SPIDR: variants seen among roughly 807,000 people sequenced by gnomAD.
SPIDR encodes scaffold protein involved in DNA repair, also known as DNA repair-scaffolding protein.
SPIDR carries 93 observed loss-of-function variants against 104.6 expected under a neutral mutation model. The observed-to-expected ratio is 0.89, with a 90% CI of 0.75 to 1.06. The LOEUF (loss-of-function observed/expected upper bound fraction) is 1.06. Among genes scored for constraint, SPIDR ranks in the 50% least tolerant of loss-of-function variants. The probability of loss-of-function intolerance (pLI) is 0.00; values close to 1 mark genes in which losing one functional copy is unlikely to be tolerated. For missense variants in SPIDR, 1,154 were observed against 1,111.2 expected, an observed-to-expected ratio of 1.04 and a Z score of -0.55; for synonymous variants, 431 against 416.9, an observed-to-expected ratio of 1.03 and a Z score of -0.41.
At chr8:47,606,876 G>A (rs999346325) in intron 10 of SPIDR, among the ~76,000 whole-genome samples, 2 of 152,178 alleles carry the variant, frequency 1.3e-5, no homozygotes, top group African/African-American at 4.8e-5. Flanking sequence ...TCTCTGTATG[G>A]AGACAGGGTG....
chr8:47,445,617 A>G (rs2070431219), intron 8 of SPIDR, among the ~76,000 whole-genome samples: 1 of 152,236 alleles, frequency 6.6e-6, no homozygotes, highest in African/African-American at 2.4e-5. Context: ...GCATGTCAAA[A>G]GGCAAGGTAG....
chr8:47,506,798 G>A (rs1478206930), intron 8 of SPIDR, among the ~76,000 whole-genome samples: 2 of 152,152 alleles, frequency 1.3e-5, no homozygotes, highest in Admixed American at 6.5e-5. Flanking sequence ...GGATAAAATG[G>A]TATCCTGTCA....
At chr8:47,389,605 C>T (rs900870766) in intron 5 of SPIDR, among the ~76,000 whole-genome samples, 7 of 143,796 alleles carry the variant, frequency 4.9e-5, no homozygotes, top group Non-Finnish European at 1.0e-4. Flanking sequence ...AGGAGAATGG[C>T]GTGAACCCGG....
At chr8:47,631,674 TC>T (rs1162133466) in intron 10 of SPIDR, among the ~76,000 whole-genome samples, 2 of 152,242 alleles carry the variant, frequency 1.3e-5, no homozygotes, top group Non-Finnish European at 2.9e-5. Flanking sequence ...CTCTTCAAAG[TC>T]ACTGTTCACC....
intron 5 of SPIDR, among the ~76,000 whole-genome samples, chr8:47,340,209 T>C (rs2050481325): frequency 6.6e-6 from 1 of 152,176 alleles, no homozygotes; most frequent in East Asian, 1.9e-4. Context: ...ATGTGTGCTT[T>C]AGGGGCATTT....
chr8:47,354,081 AC>A (rs1554624150), intron 5 of SPIDR, among the ~76,000 whole-genome samples: 1 of 152,188 alleles, frequency 6.6e-6, no homozygotes, highest in East Asian at 1.9e-4. Flanking sequence ...TCCTAACCAT[AC>A]CAGATTAGAA....
At chr8:47,490,293 A>G (rs1182453528) in intron 8 of SPIDR, among the ~76,000 whole-genome samples, 3 of 152,192 alleles carry the variant, frequency 2.0e-5, no homozygotes, top group African/African-American at 4.8e-5. Flanking sequence ...CAAAACCACA[A>G]TGAGATACCA....
chr8:47,409,974 G>A (rs564409778), intron 7 of SPIDR, among the ~76,000 whole-genome samples: 9 of 152,126 alleles, frequency 5.9e-5, no homozygotes, highest in Admixed American at 1.3e-4. Flanking sequence ...GTTACAGTGA[G>A]CTATGATCGC....
At chr8:47,687,175 C>CTT (rs1411593980) in intron 11 of SPIDR, among the ~76,000 whole-genome samples, 2 of 152,070 alleles carry the variant, frequency 1.3e-5, no homozygotes, top group Non-Finnish European at 2.9e-5. Flanking sequence ...TGTAAAAGGC[C>CTT]TCAGATTAGG....
chr8:47,432,314 G>C (rs1430132907), intron 7 of SPIDR, among the ~76,000 whole-genome samples: 1 of 152,130 alleles, frequency 6.6e-6, no homozygotes, highest in African/African-American at 2.4e-5. Context: ...TGTTTTATTT[G>C]TTTTTCTCTT....
chr8:47,611,571 G>A (rs926808119), intron 10 of SPIDR, among the ~76,000 whole-genome samples: 9 of 151,982 alleles, frequency 5.9e-5, no homozygotes, highest in Non-Finnish European at 1.3e-4. Flanking sequence ...GGTGGCTGGT[G>A]CCTGTAGTCC....
chr8:47,581,364 T>G (rs1192144428), intron 8 of SPIDR, among the ~76,000 whole-genome samples: 1 of 152,184 alleles, frequency 6.6e-6, no homozygotes, highest in Non-Finnish European at 1.5e-5. Flanking sequence ...TTTTCCTAAG[T>G]AGATATTAGT....
intron 11 of SPIDR, among the ~76,000 whole-genome samples, chr8:47,692,690 G>T (rs184363937): frequency 4.6e-5 from 7 of 151,448 alleles, no homozygotes; most frequent in African/African-American, 1.7e-4. Context: ...TCCGGTGACC[G>T]ACCTGCCTCA....
At chr8:47,408,439 T>G (rs537792272) in intron 7 of SPIDR, among the ~76,000 whole-genome samples, 1 of 152,228 alleles carries the variant, frequency 6.6e-6, no homozygotes, top group African/African-American at 2.4e-5. Context: ...TTAGCAAAAT[T>G]TTAAGAATAC....
At chr8:47,697,976 A>G (rs2079597269) in intron 11 of SPIDR, 1 of 152,168 alleles carries the variant, frequency 6.6e-6, no homozygotes, top group Non-Finnish European at 1.5e-5. Context: ...TGTCTGCTCC[A>G]CAAACTTGTT....
intron 5 of SPIDR, among the ~76,000 whole-genome samples, chr8:47,354,053 T>A (rs2054053320): frequency 6.6e-6 from 1 of 152,188 alleles, no homozygotes; most frequent in Non-Finnish European, 1.5e-5. Flanking sequence ...CATGCCTGAT[T>A]TGGTGAAATA....
intron 10 of SPIDR, among the ~76,000 whole-genome samples, chr8:47,633,249 A>G (rs889258313): frequency 2.0e-5 from 3 of 152,136 alleles, no homozygotes; most frequent in Non-Finnish European, 4.4e-5. Flanking sequence ...TATTATTTGC[A>G]TTTTTTTATG....
chr8:47,320,288 T>C (rs1335893258), intron 5 of SPIDR, among the ~76,000 whole-genome samples: 2 of 152,222 alleles, frequency 1.3e-5, no homozygotes, highest in Middle Eastern at 3.4e-3. Flanking sequence ...CCCACAGAAA[T>C]ACAAACTACC....
At chr8:47,390,068 G>A (rs2060397179) in intron 5 of SPIDR, among the ~76,000 whole-genome samples, 1 of 152,126 alleles carries the variant, frequency 6.6e-6, no homozygotes, top group South Asian at 2.1e-4. Flanking sequence ...ACTTAAGTAG[G>A]AGAGATAAAA....
Sources: allele counts gnomAD v4.1 joint callset (sites outside exome capture counted in the v4.1 genomes callset), GRCh38; gene constraint gnomAD v4.1.1; transcripts MANE v1.5; gene names NCBI Gene and HGNC (gene_info 2026-07-23, HGNC 2026-07-21).